The following ADH1C variants were observed in gnomAD, a reference collection of about 807,000 sequenced individuals.
The protein encoded by ADH1C is alcohol dehydrogenase 1C.
Under a neutral mutation model 35.0 loss-of-function variants are expected in ADH1C, and 26 were observed. The observed-to-expected ratio is 0.74, with a 90% CI of 0.54 to 1.03. The LOEUF is 1.03. Ranked by LOEUF, ADH1C falls within the 50% of genes least tolerant of loss-of-function variation. The pLI, the probability that ADH1C is intolerant of heterozygous loss-of-function variation, is 0.00. For missense variants in ADH1C, 413 were observed against 465.4 expected, an observed-to-expected ratio of 0.89 and a Z score of 1.04; for synonymous variants, 170 against 169.3, an observed-to-expected ratio of 1.00 and a Z score of -0.03.
intron 1 of ADH1C, 61 bp downstream of exon 1, chr4:99,352,597 A>T (rs1734702813): frequency 1.2e-5 from 17 of 1,406,002 alleles, no homozygotes; most frequent in Non-Finnish European, 1.6e-5. Flanking sequence ...TTAATACTGT[A>T]TTCCTTTATT....
intron 8 of ADH1C, among the ~76,000 whole-genome samples, chr4:99,337,590 G>A (rs1252470929): frequency 6.6e-6 from 1 of 151,794 alleles, no homozygotes; most frequent in Non-Finnish European, 1.5e-5. Context: ...TTTATATATA[G>A]TGTGTGTGTG....
chr4:99,349,648 T>C, intron 1 of ADH1C, among the ~76,000 whole-genome samples: 1 of 135,244 alleles, frequency 7.4e-6, no homozygotes, highest in South Asian at 2.3e-4. Context: ...CTTTTAATTT[T>C]CTCTCTCCAC....
At chr4:99,352,252 A>G (rs1734694668) in intron 1 of ADH1C, among the ~76,000 whole-genome samples, 2 of 152,216 alleles carry the variant, frequency 1.3e-5, no homozygotes, top group Non-Finnish European at 2.9e-5. Flanking sequence ...AAATAATAAC[A>G]CATTTAAATT....
chr4:99,342,676 A>C, intron 6 of ADH1C, 119 bp downstream of exon 6: 1 of 1,480,018 alleles, frequency 6.8e-7, no homozygotes, highest in Non-Finnish European at 9.2e-7. Context: ...CAAAAAGATG[A>C]CGGGAAATTT....
At chr4:99,351,824 A>T (rs1734685696) in intron 1 of ADH1C, among the ~76,000 whole-genome samples, 1 of 152,258 alleles carries the variant, frequency 6.6e-6, no homozygotes, top group African/African-American at 2.4e-5. Flanking sequence ...TAAATTAGGC[A>T]ATTAATAATA....
At chr4:99,348,835 G>T (rs1280256067) in intron 1 of ADH1C, among the ~76,000 whole-genome samples, 6 of 152,104 alleles carry the variant, frequency 3.9e-5, no homozygotes, top group African/African-American at 1.4e-4. Flanking sequence ...GGTGTGAGAT[G>T]GTATCTCATT....
Position 99,347,328 on chromosome 4 carries a change from T to C in ADH1C, c.121-184A>G, listed in dbSNP as rs1734560110. On this transcript the variant is annotated intron_variant, in intron 2 of 8. Coordinates refer to ENST00000515683, the MANE Select transcript of ADH1C (RefSeq NM_000669.5). ...AAGGTTATCCAGTCTAAAACCTTCC[T>C]CTTTTTCCCTTGAATTTAACAATTT... Among the ~76,000 whole-genome samples the C allele has an allele frequency of 2.0e-5, 3 of 152,262 alleles. 1 individual carries two copies. In the South Asian group the frequency reaches 6.2e-4, roughly 31 times the overall value.
intron 1 of ADH1C, 63 bp downstream of exon 1, chr4:99,352,595 G>C (rs768909148): frequency 7.2e-7 from 1 of 1,382,550 alleles, no homozygotes; most frequent in Non-Finnish European, 1.0e-6. Flanking sequence ...TATTAATACT[G>C]TATTCCTTTA....
At position 99,338,824 on chromosome 4, in the gene ADH1C, C is replaced by G. The variant is rs144476029; in HGVS notation, c.1103+753G>C. 4.6e-5 allele frequency among the ~76,000 whole-genome samples: 7 copies of G among 151,294 alleles called. No individual in the cohort carries two copies. The East Asian group carries it at 9.7e-4, about 21-fold the overall frequency. On this transcript the variant is annotated intron_variant, in intron 8 of 8. Coordinates refer to ENST00000515683, the MANE Select transcript of ADH1C (RefSeq NM_000669.5). ...TGTGGGATAGCAGAAAAATCTCAGA[C>G]TCTGGAGCTAGAAGGCAGAGATTAG... is the stretch of plus-strand genomic sequence containing the variant.
At chr4:99,347,999 A>T (rs564606824) in intron 1 of ADH1C, among the ~76,000 whole-genome samples, 153 bp from the exon 2 acceptor site, 1 of 152,372 alleles carries the variant, frequency 6.6e-6, no homozygotes, top group East Asian at 1.9e-4. Flanking sequence ...TATAAAGAGA[A>T]TAAGAGTATC....
chr4:99,347,679 T>C, intron 2 of ADH1C, 66 bp downstream of exon 2: 3 of 1,445,244 alleles, frequency 2.1e-6, no homozygotes, highest in Non-Finnish European at 2.8e-6. Context: ...TTTGGATGTT[T>C]CTATTTTTAA....
At chr4:99,339,877 C>T (rs1734373320) in intron 7 of ADH1C, among the ~76,000 whole-genome samples, 162 bp from the exon 8 acceptor site, 1 of 133,418 alleles carries the variant, frequency 7.5e-6, no homozygotes, top group South Asian at 2.3e-4. Context: ...TTTTACAGTG[C>T]TTTCACAAAA....
intron 8 of ADH1C, 64 bp downstream of exon 8, chr4:99,339,510 ACGC>A (rs780389490): frequency 4.4e-3 from 3,892 of 894,514 alleles, no homozygotes; most frequent in Non-Finnish European, 5.3e-3. Context: ...CTGCTAGACA[ACGC>A]CCCCCCCCCC....
At chr4:99,344,460 A>G (rs1376297308) in intron 5 of ADH1C, among the ~76,000 whole-genome samples, 2 of 152,190 alleles carry the variant, frequency 1.3e-5, no homozygotes, top group African/African-American at 4.8e-5. Context: ...GGATCCACAG[A>G]CTAGATGGTC....
chr4:99,348,745 A>G (rs1734603096), intron 1 of ADH1C, among the ~76,000 whole-genome samples: 1 of 151,722 alleles, frequency 6.6e-6, no homozygotes, highest in Admixed American at 6.6e-5. Flanking sequence ...TCCCACCAAC[A>G]GTGTAAAAGC....
intron 5 of ADH1C, among the ~76,000 whole-genome samples, chr4:99,343,499 C>T (rs1457695044): frequency 6.6e-6 from 1 of 152,086 alleles, no homozygotes; most frequent in Non-Finnish European, 1.5e-5. Flanking sequence ...TACACCAAGG[C>T]AATATTCGGA....
intron 8 of ADH1C, 67 bp downstream of exon 8, chr4:99,339,510 A>ACCCCCCCC: frequency 1.1e-6 from 1 of 894,322 alleles, no homozygotes; most frequent in South Asian, 1.9e-5. Flanking sequence ...CTGCTAGACA[A>ACCCCCCCC]CGCCCCCCCC....
rs574732153 is a variant in ADH1C, at chr4:99,346,207, G to A, written c.259+799C>T. Among the ~76,000 whole-genome samples, 8 of 152,198 alleles carry A rather than the reference G, an allele frequency of 5.3e-5. No individual in the cohort carries two copies. The South Asian group carries it at 1.4e-3, about 28-fold the overall frequency. On this transcript the variant is annotated intron_variant, in intron 3 of 8. Coordinates refer to ENST00000515683, the MANE Select transcript of ADH1C (RefSeq NM_000669.5). ...TCTATTTCACAAGACCAAGAAAAAT[G>A]ATTGGTGCATAACATTTTATGGGTA... is the stretch of plus-strand genomic sequence containing the variant.
At chr4:99,343,813 A>G (rs1450933147) in intron 5 of ADH1C, among the ~76,000 whole-genome samples, 1 of 152,208 alleles carries the variant, frequency 6.6e-6, no homozygotes, top group Non-Finnish European at 1.5e-5. Context: ...TTTGGAAAAG[A>G]TGTCCTCTAA....
Sources: allele counts gnomAD v4.1 joint callset (sites outside exome capture counted in the v4.1 genomes callset), GRCh38; gene constraint gnomAD v4.1.1; transcripts MANE v1.5; gene names NCBI Gene and HGNC (gene_info 2026-07-23, HGNC 2026-07-21).